Variants in NADK observed in about 807,000 individuals in gnomAD.
NADK encodes the protein poly(P)/ATP NAD kinase.
Under a neutral mutation model 49.8 loss-of-function variants are expected in NADK, and 22 were observed. The ratio of observed to expected loss-of-function variants is 0.44; its 90% CI spans 0.32 to 0.63. NADK has a LOEUF of 0.63. NADK is among the 30% of genes least tolerant of loss of function. The pLI, the probability that NADK is intolerant of heterozygous loss-of-function variation, is 0.06. For synonymous variants in NADK, 268 were observed against 253.7 expected (o/e 1.06, Z -0.54); for missense variants, 438 against 609.4 (o/e 0.72, Z 2.96).
Position 1,756,496 on chromosome 1 carries a change from A to C in NADK, c.499+7T>G. Reference sequence around the variant, plus strand: ...AGAAACCAAGGACAGAGCTGCTGACAGCCCACCTTCTCGAAAGGTACAGAA... The same window carrying C: ...AGAAACCAAGGACAGAGCTGCTGACCGCCCACCTTCTCGAAAGGTACAGAA... On this transcript the variant is annotated splice_region_variant and intron_variant, in intron 5 of 11. Transcript: ENST00000341426. 1.2e-6 allele frequency: 2 copies of C among 1,614,026 alleles called. No homozygotes were observed. Among genetic ancestry groups the C allele is most frequent in the African/African-American group, 2.7e-5 (2 of 75,060 alleles).
intron 2 of NADK, among the ~76,000 whole-genome samples, chr1:1,764,900 CA>C (rs1312499069): frequency 6.6e-6 from 1 of 151,986 alleles, no homozygotes; most frequent in Non-Finnish European, 1.5e-5. Flanking sequence ...GACTCAGTCT[CA>C]AAAAAAAGTT....
In NADK at chr1:1,752,922, CTCCTCCTCCTCCTCG is replaced by C. The variant is rs1557828913; in HGVS notation, c.1308_1322del (p.Phe436_Glu441delinsLeu). 4 of 1,600,866 alleles carry C rather than the reference CTCCTCCTCCTCCTCG, an allele frequency of 2.5e-6. No homozygotes were observed. In the Admixed American group the frequency reaches 7.0e-5, roughly 28 times the overall value. On this transcript the variant is annotated inframe_deletion, in exon 12 of 12. Coordinates refer to ENST00000341426, the MANE Select transcript of NADK (RefSeq NM_023018.5). ...GCTTGACCTAGCCCTCCTCCTCCTC[CTCCTCCTCCTCCTCG>C]AAGTGGGCTTGCTTCTTCCGGACGT...
At chr1:1,774,955 A>C (rs1271465720) in intron 1 of NADK, among the ~76,000 whole-genome samples, 35 of 151,956 alleles carry the variant, frequency 2.3e-4, no homozygotes, top group Non-Finnish European at 2.9e-5. Context: ...AAAATACAAA[A>C]AAAATTAGCT....
intron 1 of NADK, among the ~76,000 whole-genome samples, chr1:1,775,764 G>A (rs1389142863): frequency 6.6e-6 from 1 of 152,128 alleles, no homozygotes; most frequent in African/African-American, 2.4e-5. Context: ...TTCACCATCT[G>A]TCTGAAGCAC....
chr1:1,759,913 C>G (rs562543234), intron 3 of NADK: 1 of 1,550,430 alleles, frequency 6.4e-7, no homozygotes, highest in South Asian at 1.2e-5. Context: ...CTGCCAGGAC[C>G]AGGAAGTGCA....
Position 1,754,154 on chromosome 1 carries a change from GC to G in NADK, c.997del (p.Ala333ProfsTer3). The G allele has an allele frequency of 6.2e-7, 1 of 1,612,154 alleles. No individual in the cohort carries two copies. ...CGGCACGTTGGGGTGGATCATGGAG[GC>G]CCCGGCCGCGGCCGCATACGCCGTG... is the stretch of plus-strand genomic sequence containing the variant. ...GSTAYAAAAG[A>X]SMIHPNVPAI... On this transcript the variant is annotated frameshift_variant, in exon 10 of 12. Transcript: ENST00000341426. LOFTEE classifies it high-confidence loss of function. This position sits in a 1 kb window ranked among gnomAD's most constrained non-coding sequence, Gnocchi z 4.3.
chr1:1,773,715 T>TGAGAGAGAGAGAGAGA (rs1289878238), intron 1 of NADK, among the ~76,000 whole-genome samples: 12 of 133,398 alleles, frequency 9.0e-5, no homozygotes, highest in African/African-American at 3.0e-4. Flanking sequence ...TGTGTGTGTG[T>TGAGAGAGAGAGAGAGA]GTGTGTGTGT....
In NADK at chr1:1,754,520, C is replaced by G; in HGVS notation, c.843+24G>C. On this transcript the variant is annotated intron_variant, in intron 8 of 11. Transcript: ENST00000341426. The surrounding 1 kb of genome is among the most constrained non-coding windows in gnomAD (Gnocchi z 4.3). ...AGTCGCCCCACCCTGGGCCCCTCAC[C>G]GAGGCCGAGGCGCCTCCACTCACCT... 1 of 1,598,330 alleles carries G rather than the reference C, an allele frequency of 6.3e-7. No individual in the cohort carries two copies. The highest frequency in any genetic ancestry group is 8.5e-7 in the Non-Finnish European group (1 of 1,171,692).
intron 4 of NADK, chr1:1,756,979 T>C (rs1241603215): frequency 1.1e-6 from 1 of 911,732 alleles, no homozygotes; most frequent in Non-Finnish European, 1.8e-6. Flanking sequence ...AGCTCATTGT[T>C]GGTCACCCAG....
chr1:1,760,878 G>A (rs529040561), intron 3 of NADK, among the ~76,000 whole-genome samples: 10 of 151,752 alleles, frequency 6.6e-5, no homozygotes, highest in African/African-American at 2.2e-4. Flanking sequence ...TCGCCCAGGC[G>A]GAATGCACTT....
At position 1,773,347 on chromosome 1, in the gene NADK, C is replaced by T. The variant is rs569390840; in HGVS notation, c.-41+4942G>A. Among the ~76,000 whole-genome samples, 28 of 80,786 alleles carry T rather than the reference C, an allele frequency of 3.5e-4. No homozygotes were observed. The Admixed American group carries it at 4.3e-3, about 12-fold the overall frequency. The allele number at this position is 80,786 out of a possible 152,430, so 53.0% of individuals were successfully genotyped here. A position where few individuals can be genotyped will look rare whatever the true frequency, so the allele number is the denominator to read the frequency against. ...TAGAGATGGGGTTTCACCATGTTGA[C>T]CAGGTTGGTCCTCAAACTCCTGACC... On this transcript the variant is annotated intron_variant, in intron 1 of 11. Coordinates refer to ENST00000341426, the MANE Select transcript of NADK (RefSeq NM_023018.5).
chr1:1,753,715 CCT>C (rs528453030), intron 10 of NADK, 66 bp from the exon 11 acceptor site: 328 of 1,387,962 alleles, frequency 2.4e-4, no homozygotes, highest in East Asian at 1.6e-3. Context: ...GGCACCCACC[CCT>C]GAGTGCTCGC....
At chr1:1,761,172 T>C (rs1296432025) in intron 3 of NADK, among the ~76,000 whole-genome samples, 1 of 152,190 alleles carries the variant, frequency 6.6e-6, no homozygotes, top group Non-Finnish European at 1.5e-5. Flanking sequence ...TTTGTACTTT[T>C]AGTAGAGATG....
At chr1:1,753,143 G>T in intron 11 of NADK, 83 bp from the exon 12 acceptor site, 1 of 1,471,712 alleles carries the variant, frequency 6.8e-7, no homozygotes, top group Non-Finnish European at 9.2e-7. Flanking sequence ...CTCCCTCCCT[G>T]GGAATGGCCG....
chr1:1,752,695 T>G lies in NADK; in HGVS notation c.*209A>C. 1 of 585,748 alleles carries G rather than the reference T, an allele frequency of 1.7e-6. No homozygotes were observed. The allele number at this position is 585,748 out of a possible 1,614,324, so 36.3% of individuals were successfully genotyped here. A position where few individuals can be genotyped will look rare whatever the true frequency, so the allele number is the denominator to read the frequency against. On this transcript the variant is annotated 3_prime_UTR_variant, in exon 12 of 12. Coordinates refer to ENST00000341426, the MANE Select transcript of NADK (RefSeq NM_023018.5). Reference sequence around the variant, plus strand: ...AGGACAGAAGCACTCCCAGCCCATTTCTCACGCTTCTTTAGAAATGCAAAA... The same window carrying G: ...AGGACAGAAGCACTCCCAGCCCATTGCTCACGCTTCTTTAGAAATGCAAAA...
intron 1 of NADK, among the ~76,000 whole-genome samples, chr1:1,766,696 T>C (rs919694222): frequency 6.6e-6 from 1 of 151,570 alleles, no homozygotes; most frequent in African/African-American, 2.4e-5. Flanking sequence ...TTTTCTTTTT[T>C]TTTTTTTGAG....
At chr1:1,760,548 C>T (rs1570536024) in intron 3 of NADK, among the ~76,000 whole-genome samples, 1 of 152,330 alleles carries the variant, frequency 6.6e-6, no homozygotes, top group Non-Finnish European at 1.5e-5. Context: ...GTGGCCGCCC[C>T]CGTATCACAC....
chr1:1,775,445 C>A (rs143319789), intron 1 of NADK, among the ~76,000 whole-genome samples: 1 of 152,180 alleles, frequency 6.6e-6, no homozygotes, highest in Non-Finnish European at 1.5e-5. Context: ...CATCTCACCC[C>A]GGTAAATAAT....
chr1:1,775,466 G>A (rs1375029658), intron 1 of NADK, among the ~76,000 whole-genome samples: 2 of 152,194 alleles, frequency 1.3e-5, no homozygotes, highest in Non-Finnish European at 2.9e-5. Flanking sequence ...GCCCAGTGCT[G>A]GCATGCACAC....
Sources: allele counts gnomAD v4.1 joint callset (sites outside exome capture counted in the v4.1 genomes callset), GRCh38; gene constraint gnomAD v4.1.1; non-coding constraint Gnocchi (gnomAD v3.1); transcripts MANE v1.5; gene names NCBI Gene and HGNC (gene_info 2026-07-23, HGNC 2026-07-21).